The following COL27A1 variants were observed in gnomAD, a reference collection of about 807,000 sequenced individuals.
COL27A1 encodes the protein collagen type XXVII alpha 1 chain.
A neutral mutation model predicts 251.3 loss-of-function variants in COL27A1; 106 were observed. That is an observed-to-expected ratio of 0.42 (90% CI 0.36 to 0.50). The LOEUF (loss-of-function observed/expected upper bound fraction) is 0.50. Ranked by LOEUF, COL27A1 falls within the 20% of genes least tolerant of loss-of-function variation. The pLI, the probability that COL27A1 is intolerant of heterozygous loss-of-function variation, is 0.00. For synonymous variants in COL27A1, 1,000 were observed against 986.3 expected, an observed-to-expected ratio of 1.01 and a Z score of -0.26; for missense variants, 2,325 against 2,522.8, an observed-to-expected ratio of 0.92 and a Z score of 1.68.
At position 114,168,482 on chromosome 9, in the gene COL27A1, C is replaced by T. The variant is rs1849064263; in HGVS notation, c.927C>T (p.His309=). ...AAAGGACTAGCCCCACAAACCCTCA[C>T]CAGCATATGGCGGTGGGAGGCCCAG... ...KPQRTSPTNP[H]QHMAVGGPAQ... Residue 309 remains histidine (H), a synonymous_variant, in exon 3 of 61, where the codon CAC becomes CAT. Transcript: ENST00000356083. 6.2e-7 allele frequency: 1 copy of T among 1,614,050 alleles called. No individual in the cohort carries two copies. Among genetic ancestry groups the T allele is most frequent in the African/African-American group, 1.3e-5 (1 of 75,056 alleles).
chr9:114,274,187 C>A (rs955730783), intron 36 of COL27A1: 1 of 148,770 alleles, frequency 6.7e-6, no homozygotes, highest in Admixed American at 6.7e-5. Flanking sequence ...GAGTTGAGAT[C>A]ATGCCACTGC....
chr9:114,214,543 C>T (rs1185866749), intron 12 of COL27A1, among the ~76,000 whole-genome samples: 2 of 152,202 alleles, frequency 1.3e-5, no homozygotes, highest in Admixed American at 6.5e-5. Context: ...TAGGAACCTT[C>T]GTGATGGCCT....
Position 114,205,110 on chromosome 9 carries a change from G to C in COL27A1, c.2133G>C (p.Lys711Asn). ...NPGPPGRKGHKGYPGPAGHPG... is the reference protein window; with the variant it reads ...NPGPPGRKGHNGYPGPAGHPG... ...TCTTCCCCCTCCAACAGGGACACAAGGGCTATCCTGGACCGGCAGGGCACC... is the reference window on the plus strand; with the variant it reads ...TCTTCCCCCTCCAACAGGGACACAACGGCTATCCTGGACCGGCAGGGCACC... Residue 711 changes from lysine (K) to asparagine (N), a missense_variant, in exon 8 of 61, where the codon AAG becomes AAC. Around this residue, in one of 4 missense-constraint regions of COL27A1, gnomAD observed 1,183 missense variants for 1,144.1 expected, o/e 1.03. Coordinates refer to ENST00000356083, the MANE Select transcript of COL27A1 (RefSeq NM_032888.4). 6.2e-7 allele frequency: 1 copy of C among 1,613,744 alleles called. No individual in the cohort carries two copies. The highest frequency in any genetic ancestry group is 8.5e-7 in the Non-Finnish European group (1 of 1,179,994).
intron 25 of COL27A1, among the ~76,000 whole-genome samples, chr9:114,252,061 G>A (rs929856035): frequency 6.6e-6 from 1 of 152,226 alleles, no homozygotes; most frequent in African/African-American, 2.4e-5. Context: ...CGAACCCAGA[G>A]CACCTACCTT....
At chr9:114,260,233 G>A (rs10732378) in intron 28 of COL27A1, among the ~76,000 whole-genome samples, 78,617 of 151,768 alleles carry the variant, frequency 0.52, 20,437 homozygotes, top group East Asian at 0.6. Context: ...TTCCTGCTTA[G>A]GGAAACACAG....
chr9:114,171,790 C>A (rs887025824), intron 3 of COL27A1, among the ~76,000 whole-genome samples: 2 of 152,158 alleles, frequency 1.3e-5, no homozygotes, highest in Non-Finnish European at 2.9e-5. Flanking sequence ...ATTCGATAAC[C>A]CATCAAGTTT....
At chr9:114,155,192 TTTC>T (rs1279866181), upstream of COL27A1, among the ~76,000 whole-genome samples, 11 of 151,988 alleles carry the variant, frequency 7.2e-5, no homozygotes, top group Non-Finnish European at 1.6e-4. The surrounding 1 kb of genome is among the most constrained non-coding windows in gnomAD (Gnocchi z 5.5). Context: ...AAACTGTGGG[TTTC>T]TTCCAGGAGT....
At chr9:114,211,093 C>T in intron 12 of COL27A1, 67 bp downstream of exon 12, 2 of 1,484,108 alleles carry the variant, frequency 1.3e-6, no homozygotes, top group Non-Finnish European at 1.9e-6. Flanking sequence ...GCCACGCTGC[C>T]CTGGCCACCT....
chr9:114,187,899 T>C (rs115549657), intron 5 of COL27A1, among the ~76,000 whole-genome samples: 1,631 of 152,332 alleles, frequency 0.011, 24 homozygotes, highest in African/African-American at 0.037. Context: ...AATTATTTCA[T>C]TAGGATAAGT....
chr9:114,291,886 G>A (rs935886383), intron 48 of COL27A1, among the ~76,000 whole-genome samples: 3 of 152,124 alleles, frequency 2.0e-5, no homozygotes, highest in Non-Finnish European at 4.4e-5. Flanking sequence ...GGGAAGGCAG[G>A]GCCCGGAATG....
chr9:114,207,248 A>C (rs984188659), intron 10 of COL27A1, among the ~76,000 whole-genome samples: 1 of 152,196 alleles, frequency 6.6e-6, no homozygotes, highest in African/African-American at 2.4e-5. Context: ...TTGCAGTCTC[A>C]GCCCTAATCC....
At chr9:114,302,058 C>T (rs370966764) in intron 55 of COL27A1, 24 bp from the exon 56 acceptor site, 1 of 1,608,420 alleles carries the variant, frequency 6.2e-7, no homozygotes, top group Non-Finnish European at 8.5e-7. Flanking sequence ...TGTCATTTGA[C>T]TGACCCGCAG....
At position 114,237,670 on chromosome 9, in the gene COL27A1, C is replaced by T. The variant is rs543598704; in HGVS notation, c.2682C>T (p.Val894=). The stretch of plus-strand genomic sequence containing the variant: ...CCTCTTCTCTTCCACAGGGCAAAGT[C>T]GGAGACAAAGGATCCATTGGGTTTC... The part of the protein sequence containing the change: ...ARGKPGPLGK[V]GDKGSIGFPG... The change falls in exon 19 of 61, where the codon GTC becomes GTT. Residue 894 remains valine, a synonymous_variant. Coordinates refer to ENST00000356083, the MANE Select transcript of COL27A1 (RefSeq NM_032888.4). 2.2e-5 allele frequency: 36 copies of T among 1,614,098 alleles called. 1 individual carries two copies. The highest frequency in any genetic ancestry group is 2.2e-4 in the East Asian group (10 of 44,874).
At chr9:114,229,102 G>A (rs1339528743) in intron 14 of COL27A1, among the ~76,000 whole-genome samples, 1 of 152,192 alleles carries the variant, frequency 6.6e-6, no homozygotes, top group African/African-American at 2.4e-5. Context: ...GGGATTATAG[G>A]CATGAGCCAT....
At chr9:114,243,828 G>A (rs1252849901) in intron 23 of COL27A1, among the ~76,000 whole-genome samples, 1 of 152,126 alleles carries the variant, frequency 6.6e-6, no homozygotes. Context: ...GCCTGAATGT[G>A]GGGTGGGGGT....
chr9:114,252,748 C>T lies in COL27A1; in HGVS notation c.3087+102C>T, dbSNP rs939257666. The T allele has an allele frequency of 2.9e-5, 41 of 1,413,006 alleles. 1 individual carries two copies. The African/African-American group carries it at 5.1e-4, about 17-fold the overall frequency. The allele number at this position is 1,413,006 out of a possible 1,614,324, so 87.5% of individuals were successfully genotyped here. On this transcript the variant is annotated intron_variant, in intron 26 of 60. Coordinates refer to ENST00000356083, the MANE Select transcript of COL27A1 (RefSeq NM_032888.4). ...GCTTACCCCAGACGTTCAGAATGACCAGCTCCCTCTTTGTCCAGGGGGCCT... is the reference window on the plus strand; with the variant it reads ...GCTTACCCCAGACGTTCAGAATGACTAGCTCCCTCTTTGTCCAGGGGGCCT...
At chr9:114,185,116 G>A (rs1221261729) in intron 5 of COL27A1, among the ~76,000 whole-genome samples, 1 of 152,160 alleles carries the variant, frequency 6.6e-6, no homozygotes, top group Non-Finnish European at 1.5e-5. Context: ...GTAGGAGGAG[G>A]GCCTGCCAGC....
intron 25 of COL27A1, among the ~76,000 whole-genome samples, chr9:114,251,705 C>G (rs888195782): frequency 6.6e-6 from 1 of 152,208 alleles, no homozygotes; most frequent in Admixed American, 6.5e-5. Context: ...TAGCCAAATG[C>G]TTTCTTCCCA....
At chr9:114,177,365 G>T (rs1200372416) in intron 3 of COL27A1, among the ~76,000 whole-genome samples, 2 of 152,188 alleles carry the variant, frequency 1.3e-5, no homozygotes, top group African/African-American at 4.8e-5. Flanking sequence ...GAAATGGGGA[G>T]CCCTTAAATG....
Sources: gnomAD v4.1 joint callset for allele counts (sites outside exome capture counted in the v4.1 genomes callset) on GRCh38, gnomAD v4.1.1 for gene constraint, gnomAD v4.1.1 regional missense constraint, Gnocchi (gnomAD v3.1) non-coding constraint, MANE v1.5 for transcripts, NCBI Gene and HGNC (gene_info 2026-07-23, HGNC 2026-07-21) for gene names.